Variants in DOCK3 observed in about 807,000 individuals in gnomAD.
DOCK3 encodes the protein dedicator of cytokinesis 3.
Under a neutral mutation model 265.6 loss-of-function variants are expected in DOCK3, and 60 were observed. The observed-to-expected ratio is 0.23, with a 90% CI of 0.18 to 0.28. The LOEUF (loss-of-function observed/expected upper bound fraction) is 0.28, where lower values mean the gene tolerates loss of function less well. DOCK3 is among the 10% of genes least tolerant of loss of function. DOCK3 has a pLI of 1.00. For missense variants in DOCK3, 1,981 were observed against 2,594.3 expected, an observed-to-expected ratio of 0.76 and a Z score of 5.14; for synonymous variants, 881 against 938.0, an observed-to-expected ratio of 0.94 and a Z score of 1.11.
chr3:51,364,677 G>A (rs1225154092), intron 49 of DOCK3, among the ~76,000 whole-genome samples: 1 of 152,204 alleles, frequency 6.6e-6, no homozygotes, highest in Non-Finnish European at 1.5e-5. Context: ...GTAAGGAAGG[G>A]ATCCAGTTTC....
intron 12 of DOCK3, among the ~76,000 whole-genome samples, chr3:51,183,822 T>C (rs1001045683): frequency 3.9e-5 from 6 of 152,178 alleles, no homozygotes; most frequent in African/African-American, 1.4e-4. Context: ...AGACATTGTA[T>C]AAACTCATGC....
intron 6 of DOCK3, among the ~76,000 whole-genome samples, chr3:51,072,273 A>T (rs2081904266): frequency 6.6e-6 from 1 of 152,176 alleles, no homozygotes; most frequent in Non-Finnish European, 1.5e-5. Flanking sequence ...ATGCTAACTA[A>T]GATAGAGTTC....
chr3:50,920,509 C>T (rs1002927448), intron 4 of DOCK3, among the ~76,000 whole-genome samples: 1 of 152,160 alleles, frequency 6.6e-6, no homozygotes, highest in African/African-American at 2.4e-5. Context: ...TTATCCATTT[C>T]TTCTAGATTT....
intron 4 of DOCK3, among the ~76,000 whole-genome samples, chr3:50,915,884 C>T (rs981519194): frequency 1.3e-5 from 2 of 151,930 alleles, no homozygotes; most frequent in African/African-American, 2.4e-5. Context: ...TAGGTAGAGT[C>T]GCCCCATCTT....
intron 2 of DOCK3, among the ~76,000 whole-genome samples, chr3:50,798,477 G>T (rs2042908020): frequency 6.6e-6 from 1 of 152,168 alleles, no homozygotes; most frequent in African/African-American, 2.4e-5. Flanking sequence ...TCTTATTAGT[G>T]CCATCTCTCA....
intron 6 of DOCK3, 94 bp from the exon 7 acceptor site, chr3:51,075,262 C>A: frequency 2.0e-6 from 2 of 985,714 alleles, no homozygotes; most frequent in Non-Finnish European, 3.1e-6. Flanking sequence ...ATCCTCTGTC[C>A]ACAAGATGTG....
At chr3:51,280,629 C>T (rs749377513) in intron 27 of DOCK3, among the ~76,000 whole-genome samples, 8 of 152,050 alleles carry the variant, frequency 5.3e-5, no homozygotes, top group Non-Finnish European at 1.2e-4. Context: ...GTGGAAGATA[C>T]CTTTAGAGAG....
intron 12 of DOCK3, among the ~76,000 whole-genome samples, chr3:51,175,448 C>T (rs1299449666): frequency 6.6e-6 from 1 of 151,946 alleles, no homozygotes; most frequent in Non-Finnish European, 1.5e-5. Context: ...TCCAGAGACA[C>T]AGATGGTCAT....
chr3:51,197,024 CT>C (rs1253150256), intron 12 of DOCK3, among the ~76,000 whole-genome samples: 2 of 151,888 alleles, frequency 1.3e-5, no homozygotes, highest in African/African-American at 4.8e-5. Context: ...AGGGAAAGAC[CT>C]TTTCCTAAAG....
chr3:50,864,407 A>G (rs1336242632), intron 3 of DOCK3, among the ~76,000 whole-genome samples: 1 of 152,040 alleles, frequency 6.6e-6, no homozygotes, highest in African/African-American at 2.4e-5. Flanking sequence ...TTGTCTCTTC[A>G]CTTTATTGAT....
rs373584854 is a variant in DOCK3 at position 51,350,356 on chromosome 3, C to G, written c.4071C>G (p.Val1357=). Residue 1357 remains valine, a synonymous_variant, in exon 40 of 53, where the codon GTC becomes GTG. Transcript: ENST00000266037. ...QQRLEPEFFR[V]GFYGRKFPFF... is the part of the protein sequence containing the mutation. Reference sequence around the variant, plus strand: ...GCCTGGAGCCTGAGTTCTTTCGGGTCGGCTTCTATGGCAGGAAGTTTCCTT... The same window carrying G: ...GCCTGGAGCCTGAGTTCTTTCGGGTGGGCTTCTATGGCAGGAAGTTTCCTT... 6.2e-7 allele frequency: 1 copy of G among 1,612,414 alleles called. No individual in the cohort carries two copies. Among genetic ancestry groups the G allele is most frequent in the South Asian group, 1.1e-5 (1 of 90,630 alleles).
intron 5 of DOCK3, among the ~76,000 whole-genome samples, chr3:50,948,978 T>G (rs1472291746): frequency 6.6e-6 from 1 of 152,182 alleles, no homozygotes; most frequent in Non-Finnish European, 1.5e-5. Flanking sequence ...AAAGGTGAGA[T>G]GGCACTTAAA....
intron 18 of DOCK3, 124 bp from the exon 19 acceptor site, chr3:51,229,387 GT>G: frequency 1.9e-6 from 1 of 529,144 alleles, no homozygotes; most frequent in Non-Finnish European, 3.1e-6. Flanking sequence ...GGAGGCGGAG[GT>G]TGCAGTGAGC....
At chr3:51,016,654 T>TGTATATCATATAATATATAA (rs2079287774) in intron 5 of DOCK3, among the ~76,000 whole-genome samples, 1 of 80,210 alleles carries the variant, frequency 1.2e-5, no homozygotes, top group African/African-American at 6.3e-5. Flanking sequence ...TTTATATGTT[T>TGTATATCATATAATATATAA]ATATATATTA....
chr3:51,256,592 TG>T lies in DOCK3; in HGVS notation c.2185-3563del, dbSNP rs1380051698. 1.4e-3 allele frequency among the ~76,000 whole-genome samples: 208 copies of T among 144,422 alleles called. 2 individuals are homozygous for T. Among genetic ancestry groups the T allele is most frequent in the African/African-American group, 5.0e-3 (200 of 39,652 alleles). The allele number at this position is 144,422 out of a possible 152,430, so 94.7% of individuals were successfully genotyped here. A position where few individuals can be genotyped will look rare whatever the true frequency, so the allele number is the denominator to read the frequency against. ...AGCGAAGAGCTTGAGTTTTCGTTTT[TG>T]TTTTTTTTTTTTTTTTTTAGATGGA... On this transcript the variant is annotated intron_variant, in intron 22 of 52. Coordinates refer to ENST00000266037, the MANE Select transcript of DOCK3 (RefSeq NM_004947.5).
intron 5 of DOCK3, among the ~76,000 whole-genome samples, chr3:51,041,196 ATATATATATTTTTTTTT>A (rs1690097737): frequency 6.9e-5 from 1 of 14,530 alleles, no homozygotes; most frequent in Non-Finnish European, 1.0e-4. Flanking sequence ...ATATATATAT[ATATATATATTTTTTTTT>A]TTTTTTTTTT....
At chr3:50,977,934 A>G (rs28822172) in intron 5 of DOCK3, among the ~76,000 whole-genome samples, 1 of 152,034 alleles carries the variant, frequency 6.6e-6, no homozygotes, top group Admixed American at 6.6e-5. Flanking sequence ...AGTTGATCGC[A>G]TCGGCTCCTG....
intron 32 of DOCK3, among the ~76,000 whole-genome samples, chr3:51,320,397 A>C (rs2083631631): frequency 6.6e-6 from 1 of 151,754 alleles, no homozygotes; most frequent in Non-Finnish European, 1.5e-5. Flanking sequence ...GTTTGGGCAG[A>C]CACCAAGCTA....
At chr3:51,167,179 G>T (rs925455588) in intron 12 of DOCK3, among the ~76,000 whole-genome samples, 1 of 152,084 alleles carries the variant, frequency 6.6e-6, no homozygotes, top group Admixed American at 6.6e-5. Context: ...ATATGTGGAT[G>T]TACAGTTTTC....
Sources: allele counts gnomAD v4.1 joint callset (sites outside exome capture counted in the v4.1 genomes callset), GRCh38; gene constraint gnomAD v4.1.1; transcripts MANE v1.5; gene names NCBI Gene and HGNC (gene_info 2026-07-23, HGNC 2026-07-21).